ANKRD30A: variants seen among roughly 807,000 people sequenced by gnomAD.
ANKRD30A encodes ankyrin repeat domain-containing protein 30A.
Under a neutral mutation model 166.3 loss-of-function variants are expected in ANKRD30A, and 170 were observed. The observed-to-expected ratio is 1.02, with a 90% confidence interval of 0.90 to 1.16. The LOEUF is 1.16. Ranked by LOEUF, ANKRD30A falls within the 50% of genes most tolerant of loss-of-function variation. ANKRD30A has a pLI of 0.00. For synonymous variants in ANKRD30A, 564 were observed against 508.9 expected (o/e 1.11, Z -1.46); for missense variants, 1,630 against 1,518.0 (o/e 1.07, Z -1.23).
In ANKRD30A at chr10:37,152,129, G is replaced by A. The variant is rs1339104593; in HGVS notation, c.1707+8G>A. 2.5e-6 allele frequency: 4 copies of A among 1,596,926 alleles called. No individual in the cohort carries two copies. The highest frequency in any genetic ancestry group is 3.4e-6 in the Non-Finnish European group (4 of 1,167,386). On this transcript the variant is annotated splice_region_variant and intron_variant, in intron 12 of 35. Transcript: ENST00000361713. ...AATTCTTGGGATTCTGAGGTACTATGTGTTATTGATTTTTTTTTAATATTA... is the reference window on the plus strand; with the variant it reads ...AATTCTTGGGATTCTGAGGTACTATATGTTATTGATTTTTTTTTAATATTA...
intron 15 of ANKRD30A, among the ~76,000 whole-genome samples, chr10:37,159,967 G>T (rs1178442268): frequency 6.6e-6 from 1 of 152,088 alleles, no homozygotes; most frequent in Non-Finnish European, 1.5e-5. Context: ...CCAAAGTACT[G>T]GAATTACAGG....
At chr10:37,252,376 A>G in the ANKRD30A span, among the ~76,000 whole-genome samples, 2 of 152,224 alleles carry the variant, frequency 1.3e-5, no homozygotes, top group African/African-American at 4.8e-5. Context: ...TTTAAAATAA[A>G]TAATGCTCCT....
intron 24 of ANKRD30A, among the ~76,000 whole-genome samples, chr10:37,184,048 G>C (rs1205075319): frequency 2.1e-4 from 32 of 151,720 alleles, no homozygotes; most frequent in African/African-American, 7.2e-4. Context: ...AGGCGATGCT[G>C]CTGCTGGTGG....
At chr10:37,230,390 C>G (rs547418153) in intron 34 of ANKRD30A, among the ~76,000 whole-genome samples, 9 of 152,114 alleles carry the variant, frequency 5.9e-5, no homozygotes, top group African/African-American at 1.9e-4. Flanking sequence ...AACTGACCTT[C>G]AAAGTGTTTG....
intron 31 of ANKRD30A, among the ~76,000 whole-genome samples, chr10:37,205,138 A>T (rs1421740975): frequency 6.6e-6 from 1 of 152,168 alleles, no homozygotes; most frequent in Non-Finnish European, 1.5e-5. Flanking sequence ...TACTGTAAAG[A>T]CACATGCACA....
intron 31 of ANKRD30A, among the ~76,000 whole-genome samples, chr10:37,213,819 T>A (rs1328986924): frequency 1.3e-5 from 2 of 151,674 alleles, no homozygotes; most frequent in East Asian, 3.9e-4. Context: ...GGTACTTTTT[T>A]ATTATTGATT....
chr10:37,212,780 T>TA (rs2132724243), intron 31 of ANKRD30A, among the ~76,000 whole-genome samples: 1 of 152,052 alleles, frequency 6.6e-6, no homozygotes. Flanking sequence ...GTTTTCTGCA[T>TA]ATGGCCAGCT....
At chr10:37,257,786 T>C in the ANKRD30A span, among the ~76,000 whole-genome samples, 1 of 152,096 alleles carries the variant, frequency 6.6e-6, no homozygotes, top group Non-Finnish European at 1.5e-5. Flanking sequence ...TATGCAGACA[T>C]AAAAAAGAAT....
intron 24 of ANKRD30A, among the ~76,000 whole-genome samples, chr10:37,183,656 G>A (rs1442449158): frequency 0.01 from 1,545 of 147,318 alleles, 1 homozygote; most frequent in African/African-American, 0.037. Context: ...GGAAGAAGTA[G>A]TTCAGTTTAT....
the ANKRD30A span, chr10:37,264,511 T>C: frequency 3.0e-6 from 1 of 337,316 alleles, no homozygotes; most frequent in Non-Finnish European, 5.4e-6. Context: ...CCTGTCTGAG[T>C]GACTGTTTTC....
intron 25 of ANKRD30A, among the ~76,000 whole-genome samples, chr10:37,192,385 A>T (rs930525915): frequency 3.9e-5 from 6 of 151,986 alleles, no homozygotes; most frequent in Non-Finnish European, 7.4e-5. Context: ...CTTTTTGTAT[A>T]AGTGGATCAG....
the ANKRD30A span, among the ~76,000 whole-genome samples, chr10:37,258,962 C>CAAAAA: frequency 1.4e-3 from 63 of 45,376 alleles, no homozygotes; most frequent in East Asian, 2.4e-3. Context: ...GACTCCATCT[C>CAAAAA]AAAAAAAAAA....
chr10:37,248,436 C>T, the ANKRD30A span, among the ~76,000 whole-genome samples: 4 of 152,284 alleles, frequency 2.6e-5, no homozygotes, highest in Admixed American at 6.5e-5. Flanking sequence ...TGAGTTCACG[C>T]CACATGGGGT....
chr10:37,191,323 C>G (rs1234898769), intron 25 of ANKRD30A, among the ~76,000 whole-genome samples: 4 of 151,946 alleles, frequency 2.6e-5, no homozygotes, highest in Non-Finnish European at 4.4e-5. Flanking sequence ...TATATCCAAG[C>G]TGATCAATTC....
chr10:37,152,193 G>A, intron 12 of ANKRD30A, 72 bp downstream of exon 12: 1 of 1,311,696 alleles, frequency 7.6e-7, no homozygotes, highest in Non-Finnish European at 1.1e-6. Context: ...AGAGGCTTAG[G>A]CTTTATTTTC....
At chr10:37,141,126 G>A (rs1048635432) in intron 6 of ANKRD30A, among the ~76,000 whole-genome samples, 1 of 151,756 alleles carries the variant, frequency 6.6e-6, no homozygotes. Context: ...TGTTATTATT[G>A]TCTTTTTTTA....
At chr10:37,238,363 TTAG>T in the ANKRD30A span, among the ~76,000 whole-genome samples, 3 of 152,202 alleles carry the variant, frequency 2.0e-5, no homozygotes, top group African/African-American at 7.2e-5. Context: ...ACTTTATGTT[TTAG>T]GGTACATGTG....
intron 24 of ANKRD30A, among the ~76,000 whole-genome samples, chr10:37,178,910 G>T (rs1334261402): frequency 6.6e-6 from 1 of 150,620 alleles, no homozygotes; most frequent in Non-Finnish European, 1.5e-5. Flanking sequence ...ACTGCAGAAT[G>T]TTAGAGTGTG....
At chr10:37,256,697 C>A in the ANKRD30A span, among the ~76,000 whole-genome samples, 1 of 152,114 alleles carries the variant, frequency 6.6e-6, no homozygotes, top group Non-Finnish European at 1.5e-5. Context: ...AGATTATTCT[C>A]CTGAATAAAT....
Sources: gnomAD v4.1 joint callset for allele counts (sites outside exome capture counted in the v4.1 genomes callset) on GRCh38, gnomAD v4.1.1 for gene constraint, MANE v1.5 for transcripts, NCBI Gene and HGNC (gene_info 2026-07-23, HGNC 2026-07-21) for gene names.